FRMPD4: variants seen among roughly 807,000 people sequenced by gnomAD.
FRMPD4 encodes FERM and PDZ domain-containing protein 4.
Under a neutral mutation model 94.1 loss-of-function variants are expected in FRMPD4, and 22 were observed. The observed-to-expected ratio is 0.23, with a 90% CI of 0.17 to 0.33. FRMPD4 has a LOEUF of 0.33. Among genes scored for constraint, FRMPD4 ranks in the 10% least tolerant of loss-of-function variants. The pLI, the probability that FRMPD4 is intolerant of heterozygous loss-of-function variation, is 1.00. For missense variants in FRMPD4, 1,111 were observed against 1,339.9 expected, an observed-to-expected ratio of 0.83 and a Z score of 2.67; for synonymous variants, 631 against 548.6, an observed-to-expected ratio of 1.15 and a Z score of -2.10.
rs1473113811 is a variant in FRMPD4 at position 11,985,430 on chromosome X, AG to A, written c.95+107413del. 3.6e-5 allele frequency among the ~76,000 whole-genome samples: 4 copies of A among 112,311 alleles called. No individual in the cohort carries two copies. In the East Asian group the frequency reaches 1.1e-3, roughly 31 times the overall value. On this transcript the variant is annotated intron_variant, in intron 3 of 18. Coordinates refer to the FRMPD4 transcript ENST00000640291. ...GGTAGTACACAGTGGGCCTTGGGTG[AG>A]ATGCTGAGACCTGCTGGCTTCAGAT...
At chrX:12,092,628 G>A (rs189225859) in intron 3 of FRMPD4, among the ~76,000 whole-genome samples, 435 of 111,554 alleles carry the variant, frequency 3.9e-3, no homozygotes, top group African/African-American at 0.013. Flanking sequence ...GGCCCATCAG[G>A]AAAAGCAATG....
At chrX:12,049,208 C>T (rs985056847) in intron 3 of FRMPD4, among the ~76,000 whole-genome samples, 8 of 111,089 alleles carry the variant, frequency 7.2e-5, no homozygotes, top group Admixed American at 3.8e-4. Flanking sequence ...TTACCTCCTT[C>T]GTTAGATGTC....
At chrX:12,097,658 T>C (rs1009608798) in intron 3 of FRMPD4, among the ~76,000 whole-genome samples, 1 of 112,590 alleles carries the variant, frequency 8.9e-6, no homozygotes, top group Non-Finnish European at 1.9e-5. Context: ...AATAGAACAA[T>C]GCAACTGGAA....
chrX:12,651,284 G>T (rs1402706165), intron 4 of FRMPD4, among the ~76,000 whole-genome samples: 1 of 108,748 alleles, frequency 9.2e-6, no homozygotes, highest in Non-Finnish European at 1.9e-5. Context: ...TTGCATCCTT[G>T]AATTATTTTC....
chrX:12,439,982 A>G (rs1048803005), intron 1 of FRMPD4, among the ~76,000 whole-genome samples: 2 of 112,103 alleles, frequency 1.8e-5, no homozygotes, highest in African/African-American at 6.5e-5. Flanking sequence ...GTGAGTTGCA[A>G]AACTGCCAGC....
At chrX:11,851,802 C>T (rs2053623653) in intron 1 of FRMPD4, among the ~76,000 whole-genome samples, 1 of 110,929 alleles carries the variant, frequency 9.0e-6, no homozygotes, top group African/African-American at 3.3e-5. Context: ...TTCAACACTT[C>T]TATTGGATTT....
intron 1 of FRMPD4, among the ~76,000 whole-genome samples, chrX:12,453,249 G>A (rs151300346): frequency 1.7e-3 from 193 of 111,487 alleles, no homozygotes; most frequent in African/African-American, 5.9e-3. Flanking sequence ...CAAAGAGTAC[G>A]ATGTTCTGCT....
intron 3 of FRMPD4, among the ~76,000 whole-genome samples, chrX:12,021,788 G>A (rs182677501): frequency 1.5e-4 from 17 of 112,058 alleles, no homozygotes; most frequent in Admixed American, 1.3e-3. Context: ...CATATAGGCA[G>A]ATATTTTCCT....
chrX:12,328,744 A>G (rs778226954), intron 1 of FRMPD4, among the ~76,000 whole-genome samples: 6 of 111,784 alleles, frequency 5.4e-5, no homozygotes, highest in African/African-American at 1.6e-4. Flanking sequence ...TAGCCATGAA[A>G]TCTAGAGTCA....
intron 4 of FRMPD4, among the ~76,000 whole-genome samples, chrX:12,672,475 T>C (rs2059853608): frequency 8.9e-6 from 1 of 112,457 alleles, no homozygotes; most frequent in African/African-American, 3.2e-5. Flanking sequence ...ACTGCACAAA[T>C]GTAGCCTCTG....
At chrX:12,551,665 A>G (rs1472959105) in intron 2 of FRMPD4, among the ~76,000 whole-genome samples, 3 of 108,680 alleles carry the variant, frequency 2.8e-5, no homozygotes, top group African/African-American at 1.0e-4. Flanking sequence ...GTTATTTAGC[A>G]TGGTCCTCTC....
At chrX:12,583,025 T>G (rs2058884460) in intron 2 of FRMPD4, among the ~76,000 whole-genome samples, 1 of 112,097 alleles carries the variant, frequency 8.9e-6, no homozygotes, top group African/African-American at 3.2e-5. Context: ...TTAAGATTGA[T>G]TTCCTATGCT....
chrX:12,079,254 A>G (rs2055043838), intron 3 of FRMPD4, among the ~76,000 whole-genome samples: 1 of 110,849 alleles, frequency 9.0e-6, no homozygotes, highest in Admixed American at 9.7e-5. Context: ...CTTTTATTTG[A>G]TTTGAAAAGT....
intron 1 of FRMPD4, among the ~76,000 whole-genome samples, chrX:12,143,935 G>A (rs1169352520): frequency 1.8e-5 from 2 of 112,064 alleles, no homozygotes; most frequent in Non-Finnish European, 3.8e-5. Flanking sequence ...AAGTTGACCT[G>A]ATATTTTTGG....
chrX:11,956,796 T>C (rs946803204), intron 3 of FRMPD4, among the ~76,000 whole-genome samples: 7 of 112,192 alleles, frequency 6.2e-5, no homozygotes, highest in Non-Finnish European at 9.4e-5. Flanking sequence ...AGAATTGCAC[T>C]GAGGGTGGGA....
intron 3 of FRMPD4, among the ~76,000 whole-genome samples, chrX:12,016,353 T>C (rs1294054695): frequency 8.9e-6 from 1 of 112,276 alleles, no homozygotes; most frequent in African/African-American, 3.2e-5. Context: ...TTAGCGTACT[T>C]ATTATGTGCA....
At chrX:12,678,410 T>C (rs1040597615) in intron 5 of FRMPD4, among the ~76,000 whole-genome samples, 2 of 112,596 alleles carry the variant, frequency 1.8e-5, no homozygotes, top group Admixed American at 9.4e-5. Flanking sequence ...CTTGTACTGT[T>C]ACCCTTTTTT....
At position 12,718,364 on chromosome X, in the gene FRMPD4, C is replaced by T; in HGVS notation, c.3538C>T (p.Leu1180Phe). Reference sequence around the variant, plus strand: ...GTCCACCTGCGACCATCCTTCCAAGCTTCCTGAGGCTGATGAGAGTGTGGC... The same window carrying T: ...GTCCACCTGCGACCATCCTTCCAAGTTTCCTGAGGCTGATGAGAGTGTGGC... ...DSSTCDHPSK[L>F]PEADESVARL... Residue 1180 changes from leucine (L) to phenylalanine (F), a missense_variant, in exon 16 of 17, where the codon CTT becomes TTT. By Grantham distance (22) the Leu-to-Phe change is conservative. Coordinates refer to ENST00000675598, the MANE Select transcript of FRMPD4 (RefSeq NM_001368397.1). 8.3e-7 allele frequency: 1 copy of T among 1,211,923 alleles called. No homozygotes were observed. Among genetic ancestry groups the T allele is most frequent in the East Asian group, 3.0e-5 (1 of 33,826 alleles).
intron 1 of FRMPD4, among the ~76,000 whole-genome samples, chrX:12,375,789 G>A (rs1330628946): frequency 1.8e-5 from 2 of 111,893 alleles, no homozygotes; most frequent in Non-Finnish European, 3.8e-5. Flanking sequence ...TAAAGAAAGC[G>A]GATCATTTGC....
Sources: allele counts gnomAD v4.1 joint callset (sites outside exome capture counted in the v4.1 genomes callset), GRCh38; gene constraint gnomAD v4.1.1; transcripts MANE v1.5; gene names NCBI Gene and HGNC (gene_info 2026-07-23, HGNC 2026-07-21).